PPIL6: variants seen among roughly 807,000 people sequenced by gnomAD.
The protein encoded by PPIL6 is probable inactive peptidyl-prolyl cis-trans isomerase-like 6.
A neutral mutation model predicts 36.8 loss-of-function variants in PPIL6; 39 were observed. That is an observed-to-expected ratio of 1.06 (90% CI 0.82 to 1.38). PPIL6 has a LOEUF of 1.38. PPIL6 is among the 40% of genes most tolerant of loss of function. PPIL6 has a pLI of 0.00. For synonymous variants in PPIL6, 123 were observed against 134.1 expected (o/e 0.92, Z 0.57); for missense variants, 368 against 379.1 (o/e 0.97, Z 0.24).
In PPIL6 at chr6:109,400,016, AG is replaced by A. The variant is rs1772463326; in HGVS notation, c.824+18del. Reference sequence around the variant, plus strand: ...TTACAGGTGTGAATATTATATAAATAGATCTACAATATACATACCCAAAAGC... The same window carrying A: ...TTACAGGTGTGAATATTATATAAATAATCTACAATATACATACCCAAAAGC... On this transcript the variant is annotated intron_variant, in intron 7 of 7. Coordinates refer to ENST00000521072, the MANE Select transcript of PPIL6 (RefSeq NM_173672.5). 6.4e-7 allele frequency: 1 copy of A among 1,568,284 alleles called. No homozygotes were observed. The highest frequency in any genetic ancestry group is 8.7e-7 in the Non-Finnish European group (1 of 1,146,290).
At chr6:109,439,714 G>C (rs528789710) in intron 1 of PPIL6, among the ~76,000 whole-genome samples, 26 of 152,344 alleles carry the variant, frequency 1.7e-4, no homozygotes, top group African/African-American at 5.8e-4. Context: ...TTAAGGCATG[G>C]TCCTGGAGTC....
chr6:109,438,201 T>A (rs1774560492), intron 1 of PPIL6, among the ~76,000 whole-genome samples: 1 of 152,076 alleles, frequency 6.6e-6, no homozygotes, highest in African/African-American at 2.4e-5. Context: ...TCAACACAAA[T>A]CTAAATCTTT....
At position 109,392,937 on chromosome 6, in the gene PPIL6, C is replaced by A. The variant is rs1170149831; in HGVS notation, c.825G>T (p.Gly275=). ...GCACTTCTGTTCCTTCAATCAGTTGCCTACATAGGAGAAAAAAATGGAAAA... is the reference window on the plus strand; with the variant it reads ...GCACTTCTGTTCCTTCAATCAGTTGACTACATAGGAGAAAAAAATGGAAAA... ...PYLDRKFVAF[G]QLIEGTEVLK... The change falls in exon 8 of 8, where the codon GGG becomes GGT. Residue 275 remains glycine (G), a splice_region_variant and synonymous_variant. Coordinates refer to ENST00000521072, the MANE Select transcript of PPIL6 (RefSeq NM_173672.5). 3 of 1,576,028 alleles carry A rather than the reference C, an allele frequency of 1.9e-6. No individual in the cohort carries two copies. The African/African-American group carries it at 4.1e-5, about 22-fold the overall frequency.
chr6:109,436,763 C>T (rs1774472523), intron 1 of PPIL6, among the ~76,000 whole-genome samples: 1 of 152,028 alleles, frequency 6.6e-6, no homozygotes, highest in Admixed American at 6.6e-5. Flanking sequence ...AAAAAAAACT[C>T]TGTCTTAGTA....
In PPIL6 at chr6:109,426,855, T is replaced by C; in HGVS notation, c.623A>G (p.Gln208Arg). 6.6e-7 allele frequency: 1 copy of C among 1,526,240 alleles called. No homozygotes were observed. The highest frequency in any genetic ancestry group is 8.9e-7 in the Non-Finnish European group (1 of 1,124,150). 94.5% of individuals were successfully genotyped at this position (1,526,240 alleles called of 1,614,324 possible). A position where few individuals can be genotyped will look rare whatever the true frequency, so the allele number is the denominator to read the frequency against. Residue 208 changes from glutamine (Q) to arginine (R), a missense_variant, in exon 5 of 8, where the codon CAA becomes CGA. Physicochemically the swap from Gln to Arg is conservative, Grantham distance 43. Coordinates refer to ENST00000521072, the MANE Select transcript of PPIL6 (RefSeq NM_173672.5). ...FHRIVQNGWI[Q>R]GGDIVYGKGD... ...TAAGATTTTAAACTTACCCCCTCCT[T>C]GTATCCAGCCATTCTGTACTATTCG... is the stretch of plus-strand genomic sequence containing the variant.
chr6:109,394,282 A>G (rs1294723785), intron 7 of PPIL6, among the ~76,000 whole-genome samples: 1 of 150,060 alleles, frequency 6.7e-6, no homozygotes, highest in African/African-American at 2.4e-5. Context: ...CTGAGGCAGG[A>G]GAATTGCTTC....
At chr6:109,424,209 A>G (rs1384352895) in intron 5 of PPIL6, among the ~76,000 whole-genome samples, 1 of 152,110 alleles carries the variant, frequency 6.6e-6, no homozygotes, top group African/African-American at 2.4e-5. Flanking sequence ...TCAGAAACAG[A>G]CAGTGGGGTT....
chr6:109,439,501 G>A (rs1004514456), intron 1 of PPIL6, among the ~76,000 whole-genome samples: 2 of 152,136 alleles, frequency 1.3e-5, no homozygotes, highest in African/African-American at 2.4e-5. Flanking sequence ...GGATTACAGA[G>A]ACCGCCACCA....
rs1293928127 is a variant in PPIL6, at chr6:109,413,020, T to TCCC, written c.688+6166_688+6167insGGG. On this transcript the variant is annotated intron_variant, in intron 6 of 7. Transcript: ENST00000521072. This position sits in a 1 kb window ranked among gnomAD's most constrained non-coding sequence, Gnocchi z 4.6. ...TAAAAATACAAAAATTAGCCAGGTGTAGTTATGTGCGCCTCTAATCCCAGC... is the reference window on the plus strand; with the variant it reads ...TAAAAATACAAAAATTAGCCAGGTGTCCCAGTTATGTGCGCCTCTAATCCCAGC... Among the ~76,000 whole-genome samples the TCCC allele has an allele frequency of 2.0e-4, 31 of 152,078 alleles. No individual in the cohort carries two copies. The highest frequency in any genetic ancestry group is 4.4e-4 in the Non-Finnish European group (30 of 68,012).
At chr6:109,440,177 T>C in intron 1 of PPIL6, 1 of 519,054 alleles carries the variant, frequency 1.9e-6, no homozygotes. Context: ...TCGGAGGGGA[T>C]TACCTTATCT....
At chr6:109,418,307 C>T (rs1773366034) in intron 6 of PPIL6, 1 of 152,758 alleles carries the variant, frequency 6.5e-6, no homozygotes, top group African/African-American at 2.4e-5. Flanking sequence ...CCTGCCTCTT[C>T]CAACCTTCCT....
chr6:109,425,519 C>T (rs1363498112), intron 5 of PPIL6, among the ~76,000 whole-genome samples: 5 of 152,204 alleles, frequency 3.3e-5, no homozygotes, highest in African/African-American at 9.6e-5. Context: ...GAGGCTGAGG[C>T]GTGCGGATCA....
intron 2 of PPIL6, among the ~76,000 whole-genome samples, chr6:109,435,241 C>CATTG (rs1774380100): frequency 6.6e-6 from 1 of 151,686 alleles, no homozygotes; most frequent in Non-Finnish European, 1.5e-5. Flanking sequence ...CAAACGGCAC[C>CATTG]ATTGATTTTA....
intron 4 of PPIL6, 49 bp downstream of exon 4, chr6:109,427,045 C>G: frequency 3.1e-6 from 5 of 1,595,792 alleles, no homozygotes; most frequent in Non-Finnish European, 4.3e-6. Context: ...AACACTCCAA[C>G]AGTTATAGAT....
At chr6:109,401,160 G>A (rs1021664028) in intron 6 of PPIL6, among the ~76,000 whole-genome samples, 11 of 151,678 alleles carry the variant, frequency 7.3e-5, no homozygotes, top group Admixed American at 5.3e-4. Context: ...ACAGGCGTAA[G>A]CCACCGTGCC....
rs756978966 is a variant in PPIL6, at chr6:109,431,211, T to G, written c.366A>C (p.Ala122=). ...VWDIVDIKPS[A]LYDALTEDFS... Reference sequence around the variant, plus strand: ...AATCCTCAGTGAGTGCGTCATAAAGTGCAGAGGGTTTAATGTCAACTATAT... The same window carrying G: ...AATCCTCAGTGAGTGCGTCATAAAGGGCAGAGGGTTTAATGTCAACTATAT... The change falls in exon 3 of 8, where the codon GCA becomes GCC. Residue 122 remains alanine, a synonymous_variant. Transcript: ENST00000521072. 6.2e-7 allele frequency: 1 copy of G among 1,614,000 alleles called. No homozygotes were observed. The highest frequency in any genetic ancestry group is 1.3e-5 in the African/African-American group (1 of 75,010).
chr6:109,439,669 A>G (rs1402893779), intron 1 of PPIL6, among the ~76,000 whole-genome samples: 1 of 152,200 alleles, frequency 6.6e-6, no homozygotes, highest in Non-Finnish European at 1.5e-5. Context: ...GTTGTCAAGT[A>G]TCCAGCTGGG....
intron 7 of PPIL6, among the ~76,000 whole-genome samples, chr6:109,394,378 A>G (rs1366347904): frequency 6.6e-6 from 1 of 151,610 alleles, no homozygotes; most frequent in Non-Finnish European, 1.5e-5. Context: ...CTCAAAAAAA[A>G]AAAAAAAAAA....
intron 1 of PPIL6, among the ~76,000 whole-genome samples, chr6:109,436,714 CTA>C (rs1774466995): frequency 6.6e-6 from 1 of 151,970 alleles, no homozygotes; most frequent in South Asian, 2.1e-4. Context: ...GAGTGGGACT[CTA>C]TTTCAAAAAA....
Sources: gnomAD v4.1 joint callset for allele counts (sites outside exome capture counted in the v4.1 genomes callset) on GRCh38, gnomAD v4.1.1 for gene constraint, Gnocchi (gnomAD v3.1) non-coding constraint, MANE v1.5 for transcripts, NCBI Gene and HGNC (gene_info 2026-07-23, HGNC 2026-07-21) for gene names.